TWSG1: variants seen among roughly 807,000 people sequenced by gnomAD.
TWSG1 encodes the protein twisted gastrulation BMP signaling modulator 1.
A neutral mutation model predicts 23.0 loss-of-function variants in TWSG1; 15 were observed. That is an observed-to-expected ratio of 0.65 (90% CI 0.44 to 1.00). The LOEUF (loss-of-function observed/expected upper bound fraction) is 1.00. Among genes scored for constraint, TWSG1 ranks in the 50% least tolerant of loss-of-function variants. The pLI, the probability that TWSG1 is intolerant of heterozygous loss-of-function variation, is 0.00. For missense variants in TWSG1, 242 were observed against 278.7 expected (o/e 0.87, Z 0.94); for synonymous variants, 86 against 92.8 (o/e 0.93, Z 0.42).
intron 3 of TWSG1, among the ~76,000 whole-genome samples, chr18:9,365,022 A>G (rs1442441333): frequency 5.9e-5 from 9 of 152,174 alleles, no homozygotes; most frequent in Non-Finnish European, 1.3e-4. Flanking sequence ...TTTAATGTGC[A>G]TTAAAAGTTG....
At chr18:9,339,608 C>A (rs376004055) in intron 2 of TWSG1, among the ~76,000 whole-genome samples, 68 of 152,178 alleles carry the variant, frequency 4.5e-4, no homozygotes, top group African/African-American at 1.3e-3. Flanking sequence ...GTGTGAGTCA[C>A]CGTGCCTGGC....
chr18:9,354,638 A>G (rs1369471689), intron 2 of TWSG1, among the ~76,000 whole-genome samples: 1 of 152,274 alleles, frequency 6.6e-6, no homozygotes, highest in East Asian at 1.9e-4. Flanking sequence ...GAATTTAATC[A>G]CTGTTTCTGA....
In TWSG1 at chr18:9,367,474, A is replaced by G. The variant is rs2040585292; in HGVS notation, c.223+7403A>G. Among the ~76,000 whole-genome samples the G allele has an allele frequency of 2.6e-5, 4 of 152,088 alleles. No individual in the cohort carries two copies. In the South Asian group the frequency reaches 8.3e-4, roughly 32 times the overall value. The stretch of plus-strand genomic sequence containing the variant: ...CTGTGACTGGCTTATTTTACTTAAC[A>G]TGATGTCCTCCAGGTTCATCCATGT... On this transcript the variant is annotated intron_variant, in intron 3 of 4. Coordinates refer to ENST00000262120, the MANE Select transcript of TWSG1 (RefSeq NM_020648.6).
Position 9,399,489 on chromosome 18 carries a change from G to A in TWSG1, c.634G>A (p.Gly212Ser). Residue 212 changes from glycine to serine, a missense_variant, in exon 5 of 5, where the codon GGT becomes AGT. Physicochemically the swap from Gly to Ser is moderately conservative, Grantham distance 56 (BLOSUM62 0). Coordinates refer to ENST00000262120, the MANE Select transcript of TWSG1 (RefSeq NM_020648.6). ...ECIGPECIDY[G>S]SKTVKCMNCM... ...CATTGGTCCAGAATGTATTGACTAT[G>A]GTAGTAAAACTGTCAAATGTATGAA... 6.2e-7 allele frequency: 1 copy of A among 1,611,248 alleles called. No homozygotes were observed. The highest frequency in any genetic ancestry group is 8.5e-7 in the Non-Finnish European group (1 of 1,179,368).
intron 2 of TWSG1, among the ~76,000 whole-genome samples, chr18:9,344,532 T>TGTTTTTTG (rs1491153239): frequency 6.0e-5 from 1 of 16,724 alleles, no homozygotes; most frequent in East Asian, 4.4e-4. Flanking sequence ...TATGTATGTA[T>TGTTTTTTG]TTTTTTTTTT....
At chr18:9,374,781 AC>A (rs1382208800) in intron 3 of TWSG1, among the ~76,000 whole-genome samples, 1 of 152,210 alleles carries the variant, frequency 6.6e-6, no homozygotes, top group Non-Finnish European at 1.5e-5. Context: ...CAAAATATTA[AC>A]AAATCAAATC....
chr18:9,378,187 C>G lies in TWSG1; in HGVS notation c.224-18093C>G, dbSNP rs1228643421. ...AGTTGTATCTAATAAAGGACTGTTA[C>G]CCAGAATATACAAAAACAAAACAAG... is the stretch of plus-strand genomic sequence containing the variant. On this transcript the variant is annotated intron_variant, in intron 3 of 4. Transcript: ENST00000262120. 3.9e-5 allele frequency among the ~76,000 whole-genome samples: 6 copies of G among 152,274 alleles called. 2 individuals are homozygous for G. The highest frequency in any genetic ancestry group is 3.9e-4 in the Admixed American group (6 of 15,284).
At chr18:9,398,444 TTTTGTTTG>T (rs373080620) in intron 4 of TWSG1, among the ~76,000 whole-genome samples, 1 of 151,534 alleles carries the variant, frequency 6.6e-6, no homozygotes, top group African/African-American at 2.4e-5. Flanking sequence ...ATTTGCAGGT[TTTTGTTTG>T]TTTGTTTGTT....
chr18:9,356,127 C>T (rs950025818), intron 2 of TWSG1, among the ~76,000 whole-genome samples: 8 of 152,174 alleles, frequency 5.3e-5, no homozygotes, highest in Non-Finnish European at 5.9e-5. Flanking sequence ...GAAAGCTTAT[C>T]TCTGTCGTTT....
intron 3 of TWSG1, among the ~76,000 whole-genome samples, chr18:9,363,683 T>C (rs1420262377): frequency 6.6e-6 from 1 of 152,202 alleles, no homozygotes; most frequent in East Asian, 1.9e-4. Context: ...TGGAGTGCAC[T>C]GGTGCAGTCT....
chr18:9,368,808 C>T (rs1320865075), intron 3 of TWSG1, among the ~76,000 whole-genome samples: 1 of 151,874 alleles, frequency 6.6e-6, no homozygotes, highest in Non-Finnish European at 1.5e-5. Context: ...ATTAGCTGGG[C>T]ATGGTGGCAC....
At chr18:9,346,877 A>G (rs1333900402) in intron 2 of TWSG1, among the ~76,000 whole-genome samples, 3 of 152,162 alleles carry the variant, frequency 2.0e-5, no homozygotes, top group African/African-American at 7.2e-5. Context: ...GTAGGGTAGG[A>G]CTATGTTTAG....
chr18:9,353,388 A>G (rs543574597), intron 2 of TWSG1, among the ~76,000 whole-genome samples: 3 of 152,230 alleles, frequency 2.0e-5, no homozygotes, highest in Non-Finnish European at 4.4e-5. Flanking sequence ...TACATTTTGA[A>G]TGATTAGATT....
intron 3 of TWSG1, among the ~76,000 whole-genome samples, chr18:9,368,118 T>C (rs1018542609): frequency 2.0e-5 from 3 of 152,206 alleles, no homozygotes; most frequent in Non-Finnish European, 4.4e-5. Context: ...ATGCCCTCCC[T>C]CTCCAACACT....
chr18:9,363,511 A>G (rs2040562530), intron 3 of TWSG1, among the ~76,000 whole-genome samples: 1 of 152,220 alleles, frequency 6.6e-6, no homozygotes, highest in Non-Finnish European at 1.5e-5. Context: ...TACAAAGTAA[A>G]TCATTTCACT....
chr18:9,373,843 A>G (rs559892520), intron 3 of TWSG1, among the ~76,000 whole-genome samples: 80 of 152,324 alleles, frequency 5.3e-4, no homozygotes, highest in African/African-American at 1.9e-3. Flanking sequence ...AAGAATAGAA[A>G]TCCTACAATG....
At chr18:9,383,734 T>C (rs185495612) in intron 3 of TWSG1, among the ~76,000 whole-genome samples, 54 of 152,294 alleles carry the variant, frequency 3.5e-4, no homozygotes, top group African/African-American at 1.2e-3. Flanking sequence ...GGAATTAAAG[T>C]TGACCTATGA....
intron 3 of TWSG1, among the ~76,000 whole-genome samples, chr18:9,386,608 G>T (rs1350149144): frequency 1.3e-5 from 2 of 149,242 alleles, no homozygotes; most frequent in Non-Finnish European, 3.0e-5. Flanking sequence ...AAGGAGGGAA[G>T]AAATTATCGA....
intron 2 of TWSG1, among the ~76,000 whole-genome samples, chr18:9,355,113 G>C (rs932807167): frequency 3.3e-5 from 5 of 151,994 alleles, no homozygotes; most frequent in African/African-American, 1.2e-4. Context: ...CCGCCACCAT[G>C]CCCAGCTAAT....
Sources: allele counts gnomAD v4.1 joint callset (sites outside exome capture counted in the v4.1 genomes callset), GRCh38; gene constraint gnomAD v4.1.1; transcripts MANE v1.5; gene names NCBI Gene and HGNC (gene_info 2026-07-23, HGNC 2026-07-21).